POLD3: variants seen among roughly 807,000 people sequenced by gnomAD.
The protein encoded by POLD3 is DNA polymerase delta subunit 3.
POLD3 carries 19 observed loss-of-function variants against 58.2 expected under a neutral mutation model. The observed-to-expected ratio is 0.33, with a 90% CI of 0.23 to 0.48. The LOEUF is 0.48. POLD3 is among the 20% of genes least tolerant of loss of function. The pLI is 0.99. For synonymous variants in POLD3, 172 were observed against 193.5 expected (o/e 0.89, Z 0.92); for missense variants, 504 against 545.5 (o/e 0.92, Z 0.76).
chr11:74,618,887 T>C, intron 6 of POLD3, 83 bp downstream of exon 6: 1 of 1,152,000 alleles, frequency 8.7e-7, no homozygotes, highest in South Asian at 1.6e-5. Flanking sequence ...TGGTAGTAGT[T>C]TATTTATATA....
downstream of POLD3, among the ~76,000 whole-genome samples, chr11:74,644,681 T>C (rs1172691217): frequency 6.6e-6 from 1 of 152,192 alleles, no homozygotes; most frequent in Non-Finnish European, 1.5e-5. Context: ...AACTCTACAA[T>C]TCCCCTTCTA....
At position 74,618,737 on chromosome 11, in the gene POLD3, C is replaced by G; in HGVS notation, c.593C>G (p.Ser198Cys). Residue 198 changes from serine to cysteine, a missense_variant, in exon 6 of 12, where the codon TCC (serine) becomes TGC (cysteine). Transcript: ENST00000263681. Reference sequence around the variant, plus strand: ...AAAGGAATTATGGGAATGTTTGCCTCCAAAGCTGCTGCTAAAACCCAAGAA... The same window carrying G: ...AAAGGAATTATGGGAATGTTTGCCTGCAAAGCTGCTGCTAAAACCCAAGAA... ...QPKGIMGMFA[S>C]KAAAKTQETN... is the part of the protein sequence containing the mutation. 1 of 1,614,096 alleles carries G rather than the reference C, an allele frequency of 6.2e-7. No individual in the cohort carries two copies. The highest frequency in any genetic ancestry group is 8.5e-7 in the Non-Finnish European group (1 of 1,179,978).
rs1463473886 is a variant in POLD3 at position 74,636,066 on chromosome 11, G to A, written c.1120-131G>A. 4 of 854,588 alleles carry A rather than the reference G, an allele frequency of 4.7e-6. No individual in the cohort carries two copies. In the African/African-American group the frequency reaches 5.1e-5, roughly 11 times the overall value. The allele number at this position is 854,588 out of a possible 1,614,324, so 52.9% of individuals were successfully genotyped here. On this transcript the variant is annotated intron_variant, in intron 10 of 11. Transcript: ENST00000263681. ...ATGGGGTTGGTTCTCTAAAACTAAT[G>A]TAGAGTTTCTCTTTCAACTTTTTAT...
chr11:74,657,618 AGTT>A (rs1271003691), intron 4 of POLD3, among the ~76,000 whole-genome samples: 2 of 152,062 alleles, frequency 1.3e-5, no homozygotes, highest in East Asian at 1.9e-4. Context: ...TGTCTTGAAA[AGTT>A]GTTGTAGTTA....
intron 4 of POLD3, among the ~76,000 whole-genome samples, chr11:74,655,879 TAA>T (rs1246474428): frequency 6.6e-6 from 1 of 152,086 alleles, no homozygotes; most frequent in Non-Finnish European, 1.5e-5. Context: ...ATGAGAAAAG[TAA>T]AAGTCATACA....
At chr11:74,597,725 G>T (rs936661134) in intron 2 of POLD3, among the ~76,000 whole-genome samples, 4 of 152,186 alleles carry the variant, frequency 2.6e-5, no homozygotes, top group Non-Finnish European at 5.9e-5. Flanking sequence ...CCTCCAAAGT[G>T]CTGGGATTGC....
At chr11:74,616,076 G>C (rs953521061) in intron 5 of POLD3, among the ~76,000 whole-genome samples, 10 of 152,010 alleles carry the variant, frequency 6.6e-5, no homozygotes, top group African/African-American at 2.4e-4. Flanking sequence ...AAATCTAGTT[G>C]GGTATTCCAG....
At position 74,634,573 on chromosome 11, in the gene POLD3, A is replaced by G. The variant is rs761878069; in HGVS notation, c.1007-10A>G. ...TAGTTCTCTGATCTAAGTCCGTTTC[A>G]TTATTTCAGTCTTTCCAGACTCTCC... On this transcript the variant is annotated splice_polypyrimidine_tract_variant and intron_variant, in intron 9 of 11. Transcript: ENST00000263681. The G allele has an allele frequency of 1.4e-6, 2 of 1,464,804 alleles. No homozygotes were observed. The highest frequency in any genetic ancestry group is 1.9e-6 in the Non-Finnish European group (2 of 1,044,088). 90.7% of individuals were successfully genotyped at this position (1,464,804 alleles called of 1,614,324 possible).
Position 74,625,397 on chromosome 11 carries a change from T to G in POLD3, c.734-11T>G, listed in dbSNP as rs1339547789. 3 of 1,595,686 alleles carry G rather than the reference T, an allele frequency of 1.9e-6. No individual in the cohort carries two copies. The Admixed American group carries it at 5.3e-5, about 28-fold the overall frequency. ...TGGGGTCATATGTCGTCTGCTATAC[T>G]TTATTTATAGATAAATTTAAAGTCA... On this transcript the variant is annotated splice_polypyrimidine_tract_variant and intron_variant, in intron 7 of 11. Transcript: ENST00000263681.
At chr11:74,665,867 C>T (rs1028905741) in intron 4 of POLD3, among the ~76,000 whole-genome samples, 1 of 152,124 alleles carries the variant, frequency 6.6e-6, no homozygotes, top group Non-Finnish European at 1.5e-5. Context: ...CTGCTCTCAC[C>T]GCTTATATTC....
At chr11:74,638,092 T>C (rs2032803315) in intron 11 of POLD3, among the ~76,000 whole-genome samples, 1 of 152,148 alleles carries the variant, frequency 6.6e-6, no homozygotes, top group Non-Finnish European at 1.5e-5. Context: ...AGCAAAGCAG[T>C]TAAGTGGAAA....
At chr11:74,615,643 A>G (rs973213590) in intron 5 of POLD3, among the ~76,000 whole-genome samples, 3 of 152,184 alleles carry the variant, frequency 2.0e-5, no homozygotes, top group Non-Finnish European at 2.9e-5. Flanking sequence ...ACATTTCTTA[A>G]GTTGAGAATG....
In POLD3 at chr11:74,641,609, C is replaced by A. The variant is rs2032916064; in HGVS notation, c.*843C>A. 1 of 985,304 alleles carries A rather than the reference C, an allele frequency of 1.0e-6. No homozygotes were observed. Among genetic ancestry groups the A allele is most frequent in the Non-Finnish European group, 1.2e-6 (1 of 829,854 alleles). The allele number at this position is 985,304 out of a possible 1,614,324, so 61.0% of individuals were successfully genotyped here. ...ATCCCCTCCTCCCCCACTCTCAATACCTAGAGAGTGAAACCCGTACAATGA... is the reference window on the plus strand; with the variant it reads ...ATCCCCTCCTCCCCCACTCTCAATAACTAGAGAGTGAAACCCGTACAATGA... On this transcript the variant is annotated 3_prime_UTR_variant, in exon 12 of 12. Transcript: ENST00000263681.
At chr11:74,621,394 C>T (rs1050696604) in intron 7 of POLD3, among the ~76,000 whole-genome samples, 2 of 150,314 alleles carry the variant, frequency 1.3e-5, no homozygotes, top group Admixed American at 6.6e-5. Flanking sequence ...CTGAAACCAC[C>T]GCCCCCGACC....
In POLD3 at chr11:74,628,893, G is replaced by A. The variant is rs769238074; in HGVS notation, c.900-324G>A. 7.8e-5 allele frequency: 15 copies of A among 191,272 alleles called. 1 individual carries two copies. The Middle Eastern group carries it at 6.0e-3, about 77-fold the overall frequency. The allele number at this position is 191,272 out of a possible 1,614,324, so 11.8% of individuals were successfully genotyped here. On this transcript the variant is annotated intron_variant, in intron 8 of 11. Transcript: ENST00000263681. ...AGAGCCTTGTATGTATGTAGTAGCTGCTTATTTAATGCTTGTTGGATAATT... is the reference window on the plus strand; with the variant it reads ...AGAGCCTTGTATGTATGTAGTAGCTACTTATTTAATGCTTGTTGGATAATT...
intron 4 of POLD3, among the ~76,000 whole-genome samples, chr11:74,649,340 G>T (rs2033039359): frequency 6.6e-6 from 1 of 152,170 alleles, no homozygotes; most frequent in Admixed American, 6.5e-5. Context: ...GAAATTCAAT[G>T]GTAGAAAGGC....
Position 74,643,044 on chromosome 11 carries a change from C to T in POLD3, c.*2278C>T, listed in dbSNP as rs1321091859. ...CCTCAAGTTCTTTATCAAAATAAAA[C>T]TAAAATGAGTTACCAAGGGTGTCAA... On this transcript the variant is annotated 3_prime_UTR_variant, in exon 12 of 12. Transcript: ENST00000263681. 3.6e-6 allele frequency: 2 copies of T among 556,346 alleles called. No individual in the cohort carries two copies. Among genetic ancestry groups the T allele is most frequent in the Non-Finnish European group, 4.6e-6 (2 of 438,344 alleles). 34.5% of individuals were successfully genotyped at this position (556,346 alleles called of 1,614,324 possible). A position where few individuals can be genotyped will look rare whatever the true frequency, so the allele number is the denominator to read the frequency against.
intron 4 of POLD3, among the ~76,000 whole-genome samples, chr11:74,663,413 G>C (rs996731774): frequency 1.3e-5 from 2 of 152,202 alleles, no homozygotes; most frequent in Non-Finnish European, 2.9e-5. Context: ...AAAAGATGTA[G>C]TATAAAGCAG....
At position 74,641,097 on chromosome 11, in the gene POLD3, C is replaced by G. The variant is rs2032902047; in HGVS notation, c.*331C>G. 2 of 1,020,436 alleles carry G rather than the reference C, an allele frequency of 2.0e-6. No homozygotes were observed. The highest frequency in any genetic ancestry group is 2.3e-6 in the Non-Finnish European group (2 of 853,402). 63.2% of individuals were successfully genotyped at this position (1,020,436 alleles called of 1,614,324 possible). On this transcript the variant is annotated 3_prime_UTR_variant, in exon 12 of 12. Transcript: ENST00000263681. The stretch of plus-strand genomic sequence containing the variant: ...AGTGGCTAACCCACTGTGCTCCACT[C>G]ACCCTATGCCCTGGTCCGCATATGG...
Sources: gnomAD v4.1 joint callset for allele counts (sites outside exome capture counted in the v4.1 genomes callset) on GRCh38, gnomAD v4.1.1 for gene constraint, MANE v1.5 for transcripts, NCBI Gene and HGNC (gene_info 2026-07-23, HGNC 2026-07-21) for gene names.